ROBO2: variants seen among roughly 807,000 people sequenced by gnomAD.
ROBO2 encodes roundabout homolog 2.
ROBO2 carries 53 observed loss-of-function variants against 160.8 expected under a neutral mutation model. The ratio of observed to expected loss-of-function variants is 0.33; its 90% confidence interval spans 0.26 to 0.41. ROBO2 has a LOEUF of 0.41. Ranked by LOEUF, ROBO2 falls within the 10% of genes least tolerant of loss-of-function variation. The probability of loss-of-function intolerance (pLI) is 1.00; values close to 1 mark genes in which losing one functional copy is unlikely to be tolerated. For synonymous variants in ROBO2, 664 were observed against 611.7 expected, an observed-to-expected ratio of 1.09 and a Z score of -1.26; for missense variants, 1,577 against 1,722.4, an observed-to-expected ratio of 0.92 and a Z score of 1.49.
intron 2 of ROBO2, among the ~76,000 whole-genome samples, chr3:76,402,721 T>A (rs2077907529): frequency 6.6e-6 from 1 of 151,484 alleles, no homozygotes. Context: ...ACACTTCTAT[T>A]CTCTTGGTAC....
At chr3:77,115,657 A>C (rs1309106669) in intron 2 of ROBO2, among the ~76,000 whole-genome samples, 1 of 152,196 alleles carries the variant, frequency 6.6e-6, no homozygotes. Flanking sequence ...CCCTTTAAAA[A>C]TGTTCATCTG....
chr3:77,040,204 C>T (rs1284258067), exon 1 of ROBO2: 4 of 986,610 alleles, frequency 4.1e-6, no homozygotes, highest in South Asian at 9.4e-5. Flanking sequence ...AGGAGAGGCC[C>T]GCCAAGTCTG....
At chr3:75,973,681 T>C (rs1382359411) in intron 2 of ROBO2, among the ~76,000 whole-genome samples, 3 of 151,598 alleles carry the variant, frequency 2.0e-5, no homozygotes, top group Non-Finnish European at 3.0e-5. Flanking sequence ...AAACTAATTT[T>C]ATAGAAAGAA....
At position 76,219,201 on chromosome 3, in the gene ROBO2, C is replaced by A. The variant is rs562513496; in HGVS notation, c.109+281599C>A. Among the ~76,000 whole-genome samples, 91 of 151,990 alleles carry A rather than the reference C, an allele frequency of 6.0e-4. 2 individuals are homozygous for A. The highest frequency in any genetic ancestry group is 2.1e-3 in the African/African-American group (86 of 41,522). ...AGACTTACATGTTAGACCTTAAAAA[C>A]CATGTAAAACCATAAAAACCCTAGA... On this transcript the variant is annotated intron_variant, in intron 2 of 26. Coordinates refer to the ROBO2 transcript ENST00000487694.
At chr3:77,286,355 C>A (rs775419594) in intron 2 of ROBO2, among the ~76,000 whole-genome samples, 1 of 148,404 alleles carries the variant, frequency 6.7e-6, no homozygotes, top group Non-Finnish European at 1.5e-5. Flanking sequence ...CTCCCAAGTT[C>A]GAACGATTCT....
At chr3:77,127,269 C>G (rs372075656) in intron 2 of ROBO2, among the ~76,000 whole-genome samples, 3 of 152,000 alleles carry the variant, frequency 2.0e-5, no homozygotes, top group Non-Finnish European at 2.9e-5. Flanking sequence ...ACATAAAACC[C>G]GTTTTATTCT....
chr3:76,365,281 G>T (rs1157843056), intron 2 of ROBO2, among the ~76,000 whole-genome samples: 1 of 151,952 alleles, frequency 6.6e-6, no homozygotes, highest in African/African-American at 2.4e-5. Flanking sequence ...ATTTTGATCT[G>T]ATAAAAAATA....
chr3:76,707,247 T>G (rs1235287557), intron 2 of ROBO2, among the ~76,000 whole-genome samples: 1 of 152,088 alleles, frequency 6.6e-6, no homozygotes, highest in Non-Finnish European at 1.5e-5. Context: ...ACCGCACTAA[T>G]CTACAAAAAT....
At chr3:76,677,102 G>A (rs753261656) in intron 2 of ROBO2, among the ~76,000 whole-genome samples, 5 of 151,714 alleles carry the variant, frequency 3.3e-5, no homozygotes, top group Non-Finnish European at 5.9e-5. Flanking sequence ...TTCTTTCTAG[G>A]GTTTATCTTT....
At chr3:77,437,638 G>A (rs1221166860) in intron 2 of ROBO2, among the ~76,000 whole-genome samples, 2 of 151,922 alleles carry the variant, frequency 1.3e-5, no homozygotes, top group African/African-American at 4.8e-5. Flanking sequence ...GACTAGAAAA[G>A]CTCCTTTATT....
chr3:77,142,332 A>G (rs927217651), intron 2 of ROBO2, among the ~76,000 whole-genome samples: 2 of 152,244 alleles, frequency 1.3e-5, no homozygotes, highest in Non-Finnish European at 2.9e-5. Flanking sequence ...TAGCAGAAAT[A>G]CACTTGTATA....
intron 2 of ROBO2, among the ~76,000 whole-genome samples, chr3:76,838,477 C>T (rs558517101): frequency 3.9e-5 from 6 of 152,100 alleles, no homozygotes; most frequent in African/African-American, 1.2e-4. Flanking sequence ...AAACAAGTCT[C>T]GCATTGAGGT....
rs180717116 is a variant in ROBO2 at position 77,598,590 on chromosome 3, G to T, written c.2854+1840G>T. Among the ~76,000 whole-genome samples the T allele has an allele frequency of 2.0e-4, 30 of 149,676 alleles. 1 individual carries two copies. The highest frequency in any genetic ancestry group is 6.0e-4 in the Admixed American group (9 of 15,016). ...ATCATCAGGCATCAGTGCAGTGAGTGAGAGAATGGAAAGTAAGTTATATGA... is the reference window on the plus strand; with the variant it reads ...ATCATCAGGCATCAGTGCAGTGAGTTAGAGAATGGAAAGTAAGTTATATGA... On this transcript the variant is annotated intron_variant, in intron 19 of 25. Transcript: ENST00000461745.
chr3:77,285,942 T>A (rs1020032068), intron 2 of ROBO2, among the ~76,000 whole-genome samples: 2 of 152,106 alleles, frequency 1.3e-5, no homozygotes, highest in African/African-American at 4.8e-5. Context: ...ATGCCCTATA[T>A]AAAACCAAAA....
chr3:76,779,453 CTTAT>C (rs950418840), intron 2 of ROBO2, among the ~76,000 whole-genome samples: 1 of 150,792 alleles, frequency 6.6e-6, no homozygotes, highest in African/African-American at 2.4e-5. Flanking sequence ...ATCTCAATAA[CTTAT>C]TTATCTCCCA....
chr3:77,017,667 A>T (rs902847846), intron 2 of ROBO2, among the ~76,000 whole-genome samples: 6 of 152,184 alleles, frequency 3.9e-5, no homozygotes, highest in Non-Finnish European at 5.9e-5. Flanking sequence ...CAAACTCATG[A>T]AAGTTTTCAT....
chr3:76,801,969 G>A (rs911918065), intron 2 of ROBO2, among the ~76,000 whole-genome samples: 3 of 152,214 alleles, frequency 2.0e-5, no homozygotes, highest in African/African-American at 7.2e-5. Flanking sequence ...GGGATGGCTG[G>A]TCAGAGGAGA....
intron 2 of ROBO2, among the ~76,000 whole-genome samples, chr3:76,349,259 A>G (rs2074727326): frequency 6.6e-6 from 1 of 152,170 alleles, no homozygotes; most frequent in Admixed American, 6.6e-5. Context: ...ATGATAGCAT[A>G]TATAATTGAT....
intron 2 of ROBO2, among the ~76,000 whole-genome samples, chr3:76,716,808 T>G (rs1241853590): frequency 1.3e-5 from 2 of 152,190 alleles, no homozygotes; most frequent in Admixed American, 6.6e-5. Context: ...CTTTGAGTGC[T>G]TCATGGGATG....
Sources: gnomAD v4.1 joint callset for allele counts (sites outside exome capture counted in the v4.1 genomes callset) on GRCh38, gnomAD v4.1.1 for gene constraint, MANE v1.5 for transcripts, NCBI Gene and HGNC (gene_info 2026-07-23, HGNC 2026-07-21) for gene names.